Variants in AEBP1 observed in about 807,000 individuals in gnomAD.
AEBP1 encodes AE binding protein 1, also known as adipocyte enhancer-binding protein 1.
A neutral mutation model predicts 116.5 loss-of-function variants in AEBP1; 69 were observed. The observed-to-expected ratio is 0.59, with a 90% CI of 0.49 to 0.72. AEBP1 has a LOEUF of 0.72. Among genes scored for constraint, AEBP1 ranks in the 30% least tolerant of loss-of-function variants. The pLI is 0.00. For missense variants in AEBP1, 1,444 were observed against 1,557.5 expected (o/e 0.93, Z 1.23); for synonymous variants, 627 against 627.3 (o/e 1.00, Z 0.01).
chr7:44,111,342 G>T lies in AEBP1; in HGVS notation c.1716+103G>T. 1 of 1,412,400 alleles carries T rather than the reference G, an allele frequency of 7.1e-7. No homozygotes were observed. The highest frequency in any genetic ancestry group is 1.4e-5 in the African/African-American group (1 of 69,084). 87.5% of individuals were successfully genotyped at this position (1,412,400 alleles called of 1,614,324 possible). ...CTGGGCCCAGTCCCTACTGGTTCCA[G>T]GGATGCTGGCTGTCCCTCACCTTAG... is the stretch of plus-strand genomic sequence containing the variant. On this transcript the variant is annotated intron_variant, in intron 14 of 20. Coordinates refer to ENST00000223357, the MANE Select transcript of AEBP1 (RefSeq NM_001129.5). The surrounding 1 kb of genome is among the most constrained non-coding windows in gnomAD (Gnocchi z 4.7).
chr7:44,113,445 G>A lies in AEBP1; in HGVS notation c.2809+94G>A. On this transcript the variant is annotated intron_variant, in intron 20 of 20. Transcript: ENST00000223357. The surrounding 1 kb of genome is among the most constrained non-coding windows in gnomAD (Gnocchi z 5.3). ...GGAACTCAGCGAGCAGGTAGAGTCT[G>A]GGGAGCCTGGGGGCGAAATTCAGAG... 6.9e-7 allele frequency: 1 copy of A among 1,445,110 alleles called. No homozygotes were observed. Among genetic ancestry groups the A allele is most frequent in the Non-Finnish European group, 9.4e-7 (1 of 1,065,420 alleles). 89.5% of individuals were successfully genotyped at this position (1,445,110 alleles called of 1,614,324 possible). A position where few individuals can be genotyped will look rare whatever the true frequency, so the allele number is the denominator to read the frequency against.
rs2096223379 is a variant in AEBP1 at position 44,106,805 on chromosome 7, C to G, written c.513C>G (p.Pro171=). The change falls in exon 2 of 21, where the codon CCC becomes CCG. Residue 171 remains proline, a synonymous_variant. Transcript: ENST00000223357. ...AGCCCCCGTCAGGGAAGAGGCCCCC[C>G]ATTCTGGCTCCCTCAGAAACCCTGG... ...TKKPPSGKRP[P]ILAPSETLEW... 1.9e-6 allele frequency: 3 copies of G among 1,610,854 alleles called. No individual in the cohort carries two copies. Among genetic ancestry groups the G allele is most frequent in the South Asian group, 1.1e-5 (1 of 90,646 alleles).
In AEBP1 at chr7:44,109,271, C is replaced by T. The variant is rs748687538; in HGVS notation, c.1097-17C>T. 38 of 1,611,252 alleles carry T rather than the reference C, an allele frequency of 2.4e-5. No homozygotes were observed. Among genetic ancestry groups the T allele is most frequent in the Non-Finnish European group, 3.1e-5 (37 of 1,178,954 alleles). On this transcript the variant is annotated splice_polypyrimidine_tract_variant and intron_variant, in intron 8 of 20. Coordinates refer to ENST00000223357, the MANE Select transcript of AEBP1 (RefSeq NM_001129.5). Reference sequence around the variant, plus strand: ...TCCCGGGCCCTTGGTGCCATGTCCTCCCTTCATTGTCCCTAGAGCCCCGAA... The same window carrying T: ...TCCCGGGCCCTTGGTGCCATGTCCTTCCTTCATTGTCCCTAGAGCCCCGAA...
chr7:44,112,946 G>C lies in AEBP1; in HGVS notation c.2569+37G>C. The C allele has an allele frequency of 5.0e-6, 8 of 1,613,258 alleles. No homozygotes were observed. Among genetic ancestry groups the C allele is most frequent in the Non-Finnish European group, 6.8e-6 (8 of 1,179,516 alleles). On this transcript the variant is annotated intron_variant, in intron 18 of 20. Coordinates refer to ENST00000223357, the MANE Select transcript of AEBP1 (RefSeq NM_001129.5). This position sits in a 1 kb window ranked among gnomAD's most constrained non-coding sequence, Gnocchi z 6.6. ...TGGGAGGGGCTGTGGGCGGGGCCTG[G>C]TCCGGAGAGGGGCTGACTTTGGGTC...
chr7:44,104,504 C>A lies in AEBP1; in HGVS notation c.-162C>A. 1.9e-6 allele frequency: 1 copy of A among 517,538 alleles called. No homozygotes were observed. Among genetic ancestry groups the A allele is most frequent in the Non-Finnish European group, 3.3e-6 (1 of 306,638 alleles). The allele number at this position is 517,538 out of a possible 1,614,324, so 32.1% of individuals were successfully genotyped here. On this transcript the variant is annotated 5_prime_UTR_variant, in exon 1 of 21. Transcript: ENST00000223357. ...CCGGGTCCCCTCGCCCACCCTAATC[C>A]ACTCTCCCTCCCTTTCCCGGATTCC...
Position 44,104,761 on chromosome 7 carries a change from C to G in AEBP1, c.96C>G (p.Asp32Glu), listed in dbSNP as rs772980753. The change falls in exon 1 of 21, where the codon GAC becomes GAG. Residue 32 changes from aspartate to glutamate, a missense_variant. By Grantham distance (45) the Asp-to-Glu change is conservative. Coordinates refer to ENST00000223357, the MANE Select transcript of AEBP1 (RefSeq NM_001129.5). ...GCCCGCAGACGGTGCTGACCGACGA[C>G]GAGATCGAGGAGTTCCTCGAGGGCT... The part of the protein sequence containing the change: ...GGRPQTVLTD[D>E]EIEEFLEGFL... 4 of 1,611,654 alleles carry G rather than the reference C, an allele frequency of 2.5e-6. No homozygotes were observed. Among genetic ancestry groups the G allele is most frequent in the Non-Finnish European group, 3.4e-6 (4 of 1,179,574 alleles).
rs2096224679 is a variant in AEBP1, at chr7:44,107,877, T to C, written c.808T>C (p.Trp270Arg). Residue 270 changes from tryptophan (W) to arginine (R), a missense_variant, in exon 5 of 21, where the codon TGG becomes CGG. Coordinates refer to ENST00000223357, the MANE Select transcript of AEBP1 (RefSeq NM_001129.5). The surrounding 1 kb of genome is among the most constrained non-coding windows in gnomAD (Gnocchi z 4.3). ...PSRRRRPERV[W>R]PEPPEEKAPA... ...CAGAAGGAGGAGGCCCGAGCGGGTC[T>C]GGCCAGAGCCCCCTGAGGAGAAGGC... 1.2e-6 allele frequency: 2 copies of C among 1,605,342 alleles called. No individual in the cohort carries two copies. Among genetic ancestry groups the C allele is most frequent in the Non-Finnish European group, 1.7e-6 (2 of 1,176,768 alleles).
rs113791881 is a variant in AEBP1, at chr7:44,114,249, T to A, written c.3465T>A (p.Phe1155Leu). The part of the protein sequence containing the change: ...FTTVETYTVN[F>L]GDF ...CAGTAGAGACCTACACAGTGAACTT[T>A]GGGGACTTCTGAGATCAGCGTCCTA... Residue 1155 changes from phenylalanine (F) to leucine (L), a missense_variant, in exon 21 of 21, where the codon TTT (phenylalanine) becomes TTA (leucine). Transcript: ENST00000223357. 4 of 1,613,582 alleles carry A rather than the reference T, an allele frequency of 2.5e-6. No homozygotes were observed. The highest frequency in any genetic ancestry group is 3.4e-6 in the Non-Finnish European group (4 of 1,179,724).
At position 44,104,560 on chromosome 7, in the gene AEBP1, T is replaced by A. The variant is rs981521113; in HGVS notation, c.-106T>A. The A allele has an allele frequency of 5.5e-6, 4 of 725,568 alleles. No homozygotes were observed. The highest frequency in any genetic ancestry group is 6.2e-6 in the Non-Finnish European group (3 of 485,452). 44.9% of individuals were successfully genotyped at this position (725,568 alleles called of 1,614,324 possible). A position where few individuals can be genotyped will look rare whatever the true frequency, so the allele number is the denominator to read the frequency against. Reference sequence around the variant, plus strand: ...TCACCCCATCCTCTCTCCCGCCCCTTCCTGGATTCCCTCACCCGTCTCGAT... The same window carrying A: ...TCACCCCATCCTCTCTCCCGCCCCTACCTGGATTCCCTCACCCGTCTCGAT... On this transcript the variant is annotated 5_prime_UTR_variant, in exon 1 of 21. Coordinates refer to ENST00000223357, the MANE Select transcript of AEBP1 (RefSeq NM_001129.5).
At position 44,107,772 on chromosome 7, in the gene AEBP1, A is replaced by G; in HGVS notation, c.740-37A>G. 6.2e-7 allele frequency: 1 copy of G among 1,612,666 alleles called. No homozygotes were observed. ...GGGGATGTGCCAATGGGCCCATCCC[A>G]GCCTTGGGCCCCACTCTGAGCCAGC... On this transcript the variant is annotated intron_variant, in intron 4 of 20. Coordinates refer to ENST00000223357, the MANE Select transcript of AEBP1 (RefSeq NM_001129.5). This position sits in a 1 kb window ranked among gnomAD's most constrained non-coding sequence, Gnocchi z 4.3.
In AEBP1 at chr7:44,107,807, A is replaced by G. The variant is rs113528346; in HGVS notation, c.740-2A>G. The G allele has an allele frequency of 1.9e-6, 3 of 1,611,808 alleles. No individual in the cohort carries two copies. Among genetic ancestry groups the G allele is most frequent in the South Asian group, 1.1e-5 (1 of 91,014 alleles). On this transcript the variant is annotated splice_acceptor_variant, in intron 4 of 20. Transcript: ENST00000223357. LOFTEE classifies it high-confidence loss of function. The surrounding 1 kb of genome is among the most constrained non-coding windows in gnomAD (Gnocchi z 4.3). ...CCCACTCTGAGCCAGCCTCCCCCTC[A>G]GTTGAGTACATTCGGCGCCAGAAGC...
rs1019461838 is a variant in AEBP1, at chr7:44,113,239, C to T, written c.2710-13C>T. 13 of 1,613,550 alleles carry T rather than the reference C, an allele frequency of 8.1e-6. No homozygotes were observed. In the Admixed American group the frequency reaches 1.0e-4, roughly 12 times the overall value. On this transcript the variant is annotated splice_polypyrimidine_tract_variant and intron_variant, in intron 19 of 20. Coordinates refer to ENST00000223357, the MANE Select transcript of AEBP1 (RefSeq NM_001129.5). The surrounding 1 kb of genome is among the most constrained non-coding windows in gnomAD (Gnocchi z 5.3). ...CCTTCCTGAGGACCAGCAGCCCTCA[C>T]CTGCTTCCCTAGGTGCACCGCGGCA...
Position 44,112,913 on chromosome 7 carries a change from A to C in AEBP1, c.2569+4A>C. On this transcript the variant is annotated splice_donor_region_variant and intron_variant, in intron 18 of 20. Transcript: ENST00000223357. The surrounding 1 kb of genome is among the most constrained non-coding windows in gnomAD (Gnocchi z 6.6). Reference sequence around the variant, plus strand: ...AAGTGGAACCCCCGGACCGGGAGTGAGTCAGCCTGGGAGGGGCTGTGGGCG... The same window carrying C: ...AAGTGGAACCCCCGGACCGGGAGTGCGTCAGCCTGGGAGGGGCTGTGGGCG... 1 of 1,607,440 alleles carries C rather than the reference A, an allele frequency of 6.2e-7. No individual in the cohort carries two copies. The highest frequency in any genetic ancestry group is 1.1e-5 in the South Asian group (1 of 90,938).
rs1562687807 is a variant in AEBP1 at position 44,111,559 on chromosome 7, T to TG, written c.1772dup (p.Lys592GlnfsTer21). 2.5e-6 allele frequency: 4 copies of TG among 1,611,618 alleles called. No homozygotes were observed. Among genetic ancestry groups the TG allele is most frequent in the Non-Finnish European group, 3.4e-6 (4 of 1,179,098 alleles). On this transcript the variant is annotated frameshift_variant, in exon 15 of 21. Coordinates refer to ENST00000223357, the MANE Select transcript of AEBP1 (RefSeq NM_001129.5). LOFTEE classifies it high-confidence loss of function. The surrounding 1 kb of genome is among the most constrained non-coding windows in gnomAD (Gnocchi z 4.7). ...CCCACCATCACCCGCACTTACAGCC[T>TG]GGGCAAGAGCTCACGAGGCCTCAAG...
rs527441985 is a variant in AEBP1, at chr7:44,112,472, G to T, written c.2218-86G>T. On this transcript the variant is annotated intron_variant, in intron 17 of 20. Transcript: ENST00000223357. This position sits in a 1 kb window ranked among gnomAD's most constrained non-coding sequence, Gnocchi z 6.6. ...GACAGGGGATCGTGCGAGTACTGGT[G>T]TGAAGCTTCATGGAGGGTGATCGGG... 6.3e-6 allele frequency: 9 copies of T among 1,417,588 alleles called. No homozygotes were observed. The highest frequency in any genetic ancestry group is 4.6e-4 in the Middle Eastern group (2 of 4,316). The allele number at this position is 1,417,588 out of a possible 1,614,324, so 87.8% of individuals were successfully genotyped here. A position where few individuals can be genotyped will look rare whatever the true frequency, so the allele number is the denominator to read the frequency against.
rs1484157441 is a variant in AEBP1, at chr7:44,104,564, G to C, written c.-102G>C. ...CCCATCCTCTCTCCCGCCCCTTCCT[G>C]GATTCCCTCACCCGTCTCGATCCCC... On this transcript the variant is annotated 5_prime_UTR_variant, in exon 1 of 21. Coordinates refer to ENST00000223357, the MANE Select transcript of AEBP1 (RefSeq NM_001129.5). The C allele has an allele frequency of 4.8e-5, 36 of 743,692 alleles. No homozygotes were observed. The highest frequency in any genetic ancestry group is 4.1e-4 in the Middle Eastern group (1 of 2,422). 46.1% of individuals were successfully genotyped at this position (743,692 alleles called of 1,614,324 possible).
In AEBP1 at chr7:44,107,637, G is replaced by C; in HGVS notation, c.676G>C (p.Glu226Gln). 1 of 1,613,690 alleles carries C rather than the reference G, an allele frequency of 6.2e-7. No homozygotes were observed. The highest frequency in any genetic ancestry group is 2.2e-5 in the East Asian group (1 of 44,862). The change falls in exon 4 of 21, where the codon GAG becomes CAG. Residue 226 changes from glutamate (E) to glutamine (Q), a missense_variant. Coordinates refer to ENST00000223357, the MANE Select transcript of AEBP1 (RefSeq NM_001129.5). The surrounding 1 kb of genome is among the most constrained non-coding windows in gnomAD (Gnocchi z 4.3). ...EAREHQPEPEEETEQPTLDYN... is the reference protein window; with the variant it reads ...EAREHQPEPEQETEQPTLDYN... Reference sequence around the variant, plus strand: ...CAGCGCTTTCCCCTCAGAGCCGGAGGAGGAGACCGAGCAACCCACACTGGA... The same window carrying C: ...CAGCGCTTTCCCCTCAGAGCCGGAGCAGGAGACCGAGCAACCCACACTGGA...
In AEBP1 at chr7:44,112,653, C is replaced by T; in HGVS notation, c.2313C>T (p.Tyr771=). 6.2e-7 allele frequency: 1 copy of T among 1,613,314 alleles called. No homozygotes were observed. The highest frequency in any genetic ancestry group is 1.1e-5 in the South Asian group (1 of 91,080). ...ACGGCGGCGAGCGGCTAGTATCCTA[C>T]CCCTACGATATGGCCCGCACGCCTA... ...NLNGGERLVS[Y]PYDMARTPTQ... Residue 771 remains tyrosine (Y), a synonymous_variant, in exon 18 of 21, where the codon TAC becomes TAT. Transcript: ENST00000223357. This position sits in a 1 kb window ranked among gnomAD's most constrained non-coding sequence, Gnocchi z 6.6.
At position 44,112,620 on chromosome 7, in the gene AEBP1, A is replaced by G. The variant is rs751855953; in HGVS notation, c.2280A>G (p.Ala760=). 1 of 1,610,202 alleles carries G rather than the reference A, an allele frequency of 6.2e-7. No homozygotes were observed. Among genetic ancestry groups the G allele is most frequent in the Non-Finnish European group, 8.5e-7 (1 of 1,177,272 alleles). ...WMEKNPFVLG[A]NLNGGERLVS... is the part of the protein sequence containing the mutation. ...AGAAGAACCCCTTCGTGCTGGGAGC[A>G]AATCTGAACGGCGGCGAGCGGCTAG... Residue 760 remains alanine (A), a synonymous_variant, in exon 18 of 21, where the codon GCA becomes GCG. Coordinates refer to ENST00000223357, the MANE Select transcript of AEBP1 (RefSeq NM_001129.5). The surrounding 1 kb of genome is among the most constrained non-coding windows in gnomAD (Gnocchi z 6.6).
Sources: allele counts gnomAD v4.1 joint callset, GRCh38; gene constraint gnomAD v4.1.1; non-coding constraint Gnocchi (gnomAD v3.1); transcripts MANE v1.5; gene names NCBI Gene and HGNC (gene_info 2026-07-23, HGNC 2026-07-21).